Variants in USP35 observed in about 807,000 individuals in gnomAD.
USP35 encodes the protein ubiquitin specific peptidase 35.
Under a neutral mutation model 83.8 loss-of-function variants are expected in USP35, and 69 were observed. The ratio of observed to expected loss-of-function variants is 0.82; its 90% confidence interval spans 0.68 to 1.01. The LOEUF is 1.01. USP35 is among the 50% of genes least tolerant of loss of function. USP35 has a pLI of 0.00. For synonymous variants in USP35, 714 were observed against 589.5 expected, an observed-to-expected ratio of 1.21 and a Z score of -3.06; for missense variants, 1,503 against 1,362.5, an observed-to-expected ratio of 1.10 and a Z score of -1.62.
intron 2 of USP35, 108 bp from the exon 3 acceptor site, chr11:78,197,828 C>G: frequency 6.9e-7 from 1 of 1,451,730 alleles, no homozygotes; most frequent in South Asian, 1.4e-5. Context: ...CTCTGCTGTG[C>G]TCTTCCTAGA....
At chr11:78,226,841 G>A in the USP35 span, 4 of 1,613,680 alleles carry the variant, frequency 2.5e-6, no homozygotes, top group East Asian at 2.2e-5. Flanking sequence ...TGCCCTTGGT[G>A]TGGCCATGGG....
intron 10 of USP35, among the ~76,000 whole-genome samples, chr11:78,210,978 A>G (rs1204598591): frequency 3.3e-5 from 5 of 152,336 alleles, no homozygotes; most frequent in South Asian, 2.1e-4. Flanking sequence ...GTACATGTGT[A>G]GAATGTGCAG....
chr11:78,200,505 A>AGAGCCCC lies in USP35; in HGVS notation c.1039-144_1039-138dup, dbSNP rs1243703997. On this transcript the variant is annotated intron_variant, in intron 5 of 10. Coordinates refer to ENST00000529308, the MANE Select transcript of USP35 (RefSeq NM_020798.4). Reference sequence around the variant, plus strand: ...AAGGAGTCACCTGCCTGCAGAGCTCAGAGCCCCATCTGGGTCAGGGGACAG... The same window carrying AGAGCCCC: ...AAGGAGTCACCTGCCTGCAGAGCTCAGAGCCCCGAGCCCCATCTGGGTCAGGGGACAG... 4.9e-6 allele frequency: 6 copies of AGAGCCCC among 1,231,330 alleles called. No homozygotes were observed. In the East Asian group the frequency reaches 1.5e-4, roughly 31 times the overall value. 76.3% of individuals were successfully genotyped at this position (1,231,330 alleles called of 1,614,324 possible).
chr11:78,213,534 T>C, intron 10 of USP35, 112 bp from the exon 11 acceptor site: 1 of 1,262,406 alleles, frequency 7.9e-7, no homozygotes, highest in Non-Finnish European at 1.0e-6. Flanking sequence ...TCTCTGTGTG[T>C]CCAGGCCCTG....
the USP35 span, chr11:78,226,924 T>G: frequency 6.2e-7 from 1 of 1,613,932 alleles, no homozygotes; most frequent in Non-Finnish European, 8.5e-7. Context: ...TTGGGAAGGC[T>G]ATAGAAGCCA....
At chr11:78,213,515 G>C (rs1002436664) in intron 10 of USP35, 131 bp from the exon 11 acceptor site, 4 of 1,073,886 alleles carry the variant, frequency 3.7e-6, no homozygotes, top group African/African-American at 1.6e-5. Flanking sequence ...CTGCCACTGA[G>C]CTGCAATGTC....
In USP35 at chr11:78,213,947, TAC is replaced by T; in HGVS notation, c.*138_*139del. On this transcript the variant is annotated 3_prime_UTR_variant, in exon 11 of 11. Transcript: ENST00000529308. Reference sequence around the variant, plus strand: ...CCTTAGTCCTCAGCCTGATGAAGGGTACACAGAGATTCTCTCAGATATGGAAG... The same window carrying T: ...CCTTAGTCCTCAGCCTGATGAAGGGTACAGAGATTCTCTCAGATATGGAAG... 6 of 966,230 alleles carry T rather than the reference TAC, an allele frequency of 6.2e-6. No individual in the cohort carries two copies. In the South Asian group the frequency reaches 1.1e-4, roughly 17 times the overall value. The allele number at this position is 966,230 out of a possible 1,614,324, so 59.9% of individuals were successfully genotyped here.
At position 78,200,205 on chromosome 11, in the gene USP35, T is replaced by A. The variant is rs1863302832; in HGVS notation, c.1009T>A (p.Phe337Ile). The A allele has an allele frequency of 1.9e-6, 3 of 1,614,076 alleles. No individual in the cohort carries two copies. Among genetic ancestry groups the A allele is most frequent in the Non-Finnish European group, 8.5e-7 (1 of 1,180,004 alleles). The change falls in exon 5 of 11, where the codon TTC becomes ATC. Residue 337 changes from phenylalanine (F) to isoleucine (I), a missense_variant. Phe to Ile is a conservative substitution (Grantham distance 21, BLOSUM62 0). Coordinates refer to ENST00000529308, the MANE Select transcript of USP35 (RefSeq NM_020798.4). ...TGTGCTCAAGTACATGCTCCTGACC[T>A]TCCAGCACTCCCACGAAGCCTTCCA... ...LSVLKYMLLT[F>I]QHSHEAFHLL...
chr11:78,233,725 G>A, the USP35 span, among the ~76,000 whole-genome samples: 1 of 152,132 alleles, frequency 6.6e-6, no homozygotes, highest in Non-Finnish European at 1.5e-5. Flanking sequence ...TCCAGCCTCA[G>A]CCTCGCCAGT....
intron 6 of USP35, among the ~76,000 whole-genome samples, chr11:78,202,742 C>A (rs1023360057): frequency 6.6e-6 from 1 of 152,162 alleles, no homozygotes; most frequent in Non-Finnish European, 1.5e-5. Flanking sequence ...CATGAGCCCC[C>A]GACAGTGGAG....
chr11:78,196,646 A>C lies in USP35; in HGVS notation c.401A>C (p.Glu134Ala). Residue 134 changes from glutamate to alanine, a missense_variant, in exon 2 of 11, where the codon GAG becomes GCG. Coordinates refer to ENST00000529308, the MANE Select transcript of USP35 (RefSeq NM_020798.4). The surrounding 1 kb of genome is among the most constrained non-coding windows in gnomAD (Gnocchi z 4.8). The part of the protein sequence containing the change: ...LRREVLRTVC[E>A]RPGPAACAQV... ...CGCGAGGTGCTGCGCACCGTGTGCG[A>C]GCGCCCGGGCCCCGCGGCCTGCGCG... is the stretch of plus-strand genomic sequence containing the variant. The C allele has an allele frequency of 7.3e-7, 1 of 1,377,502 alleles. No individual in the cohort carries two copies. Among genetic ancestry groups the C allele is most frequent in the South Asian group, 1.6e-5 (1 of 62,636 alleles). 85.3% of individuals were successfully genotyped at this position (1,377,502 alleles called of 1,614,324 possible). A position where few individuals can be genotyped will look rare whatever the true frequency, so the allele number is the denominator to read the frequency against.
At chr11:78,228,038 G>A in the USP35 span, among the ~76,000 whole-genome samples, 1 of 152,196 alleles carries the variant, frequency 6.6e-6, no homozygotes, top group Admixed American at 6.5e-5. Context: ...AGTAAAAAGA[G>A]AAGAGAAACA....
chr11:78,193,556 C>G (rs1033682410), intron 1 of USP35, among the ~76,000 whole-genome samples: 1 of 151,984 alleles, frequency 6.6e-6, no homozygotes, highest in Non-Finnish European at 1.5e-5. Flanking sequence ...TTATACCTTG[C>G]AGGGGCACCC....
the USP35 span, chr11:78,226,978 G>T: frequency 6.2e-7 from 1 of 1,613,680 alleles, no homozygotes. Context: ...CCATTGCCCT[G>T]GGCAAGTTTT....
intron 1 of USP35, among the ~76,000 whole-genome samples, chr11:78,195,726 T>C (rs938178633): frequency 2.0e-5 from 3 of 152,168 alleles, no homozygotes; most frequent in Non-Finnish European, 4.4e-5. Flanking sequence ...CAACCATAGC[T>C]ACAAGTCCCT....
At chr11:78,222,025 G>T in the USP35 span, 5 of 922,070 alleles carry the variant, frequency 5.4e-6, no homozygotes, top group Non-Finnish European at 9.1e-6. Context: ...AGCTGTCCCG[G>T]CCCACAGGCC....
rs796438637 is a variant in USP35 at position 78,200,317 on chromosome 11, G to A, written c.1038+83G>A. Reference sequence around the variant, plus strand: ...GCCCTGCCTACTGCCCCTGGTAAGGGCCCTGCCTGCTGACCCTGGGCTCTT... The same window carrying A: ...GCCCTGCCTACTGCCCCTGGTAAGGACCCTGCCTGCTGACCCTGGGCTCTT... On this transcript the variant is annotated intron_variant, in intron 5 of 10. Coordinates refer to ENST00000529308, the MANE Select transcript of USP35 (RefSeq NM_020798.4). 1.0e-4 allele frequency: 152 copies of A among 1,488,246 alleles called. 2 individuals are homozygous for A. In the South Asian group the frequency reaches 1.6e-3, roughly 16 times the overall value. 92.2% of individuals were successfully genotyped at this position (1,488,246 alleles called of 1,614,324 possible).
intron 9 of USP35, 51 bp downstream of exon 9, chr11:78,209,014 G>C: frequency 6.4e-7 from 1 of 1,568,312 alleles, no homozygotes; most frequent in Non-Finnish European, 8.7e-7. Flanking sequence ...GGTCCTTGGG[G>C]GCAAGCCCAG....
intron 1 of USP35, among the ~76,000 whole-genome samples, chr11:78,192,181 C>G (rs1032136241): frequency 6.6e-6 from 1 of 152,216 alleles, no homozygotes; most frequent in African/African-American, 2.4e-5. Flanking sequence ...GACTTTGAAG[C>G]AGAAAACCTG....
Sources: allele counts gnomAD v4.1 joint callset (sites outside exome capture counted in the v4.1 genomes callset), GRCh38; gene constraint gnomAD v4.1.1; non-coding constraint Gnocchi (gnomAD v3.1); transcripts MANE v1.5; gene names NCBI Gene and HGNC (gene_info 2026-07-23, HGNC 2026-07-21).